The following FAM114A2 variants were observed in gnomAD, a reference collection of about 807,000 sequenced individuals.
FAM114A2 encodes the protein family with sequence similarity 114 member A2.
In FAM114A2, 53 loss-of-function variants were observed where a neutral mutation model predicts 58.4. The ratio of observed to expected loss-of-function variants is 0.91; its 90% confidence interval spans 0.73 to 1.14. FAM114A2 has a LOEUF of 1.14. Among genes scored for constraint, FAM114A2 ranks in the 50% most tolerant of loss-of-function variants. The probability of loss-of-function intolerance (pLI) is 0.00; values close to 1 mark genes in which losing one functional copy is unlikely to be tolerated. For missense variants in FAM114A2, 601 were observed against 581.1 expected (o/e 1.03, Z -0.35); for synonymous variants, 228 against 211.4 (o/e 1.08, Z -0.68).
chr5:154,007,829 T>C (rs1049808211), intron 9 of FAM114A2, among the ~76,000 whole-genome samples: 1 of 152,202 alleles, frequency 6.6e-6, no homozygotes, highest in African/African-American at 2.4e-5. Flanking sequence ...CCAGGCCCTT[T>C]GTAAGAGCTA....
At chr5:153,997,012 A>G (rs7727981) in intron 12 of FAM114A2, among the ~76,000 whole-genome samples, 1 of 143,676 alleles carries the variant, frequency 7.0e-6, no homozygotes, top group Non-Finnish European at 1.5e-5. Flanking sequence ...AAAAAAAAAG[A>G]AAGAAAGAAA....
chr5:153,991,484 AG>A lies in FAM114A2; in HGVS notation c.*1491del, dbSNP rs1201197270. 6.6e-6 allele frequency: 1 copy of A among 152,212 alleles called. No homozygotes were observed. The highest frequency in any genetic ancestry group is 2.4e-5 in the African/African-American group (1 of 41,458). The allele number at this position is 152,212 out of a possible 1,614,324, so 9.4% of individuals were successfully genotyped here. ...AACTTCAGAAATATTCAAGCTGGAA[AG>A]GGTGAAATTTGTCTTTAAAAAGGAA... is the stretch of plus-strand genomic sequence containing the variant. On this transcript the variant is annotated 3_prime_UTR_variant, in exon 14 of 14. Coordinates refer to ENST00000351797, the MANE Select transcript of FAM114A2 (RefSeq NM_018691.4).
chr5:154,028,333 T>G lies in FAM114A2; in HGVS notation c.496-50A>C, dbSNP rs759215466. On this transcript the variant is annotated intron_variant, in intron 5 of 13. Transcript: ENST00000351797. ...ACAACAATATTAAGAAAACATATTT[T>G]TATGCATTTTTATTATGTATTTATT... The G allele has an allele frequency of 7.2e-6, 9 of 1,252,916 alleles. No homozygotes were observed. In the East Asian group the frequency reaches 1.2e-4, roughly 17 times the overall value. The allele number at this position is 1,252,916 out of a possible 1,614,324, so 77.6% of individuals were successfully genotyped here. A position where few individuals can be genotyped will look rare whatever the true frequency, so the allele number is the denominator to read the frequency against.
intron 5 of FAM114A2, among the ~76,000 whole-genome samples, 155 bp downstream of exon 5, chr5:154,029,334 C>T (rs1772021237): frequency 6.6e-6 from 1 of 152,200 alleles, no homozygotes; most frequent in African/African-American, 2.4e-5. Context: ...GTAGCATTCA[C>T]TCCACCCATA....
Position 154,033,897 on chromosome 5 carries a change from T to C in FAM114A2, c.311-14A>G. ...AAATGCCTTGTCCTAATGAGAAAAA[T>C]AACTTTTTTTTTTGCTATTTGTCAC... is the stretch of plus-strand genomic sequence containing the variant. On this transcript the variant is annotated splice_polypyrimidine_tract_variant and intron_variant, in intron 3 of 13. Transcript: ENST00000351797. 2 of 1,556,546 alleles carry C rather than the reference T, an allele frequency of 1.3e-6. No homozygotes were observed. Among genetic ancestry groups the C allele is most frequent in the Non-Finnish European group, 1.8e-6 (2 of 1,139,200 alleles).
At chr5:154,007,571 T>G (rs1227537731) in intron 9 of FAM114A2, among the ~76,000 whole-genome samples, 1 of 152,180 alleles carries the variant, frequency 6.6e-6, no homozygotes, top group Non-Finnish European at 1.5e-5. Flanking sequence ...AAGATTGCTT[T>G]CAGAGAATGG....
At position 154,034,986 on chromosome 5, in the gene FAM114A2, A is replaced by C. The variant is rs536684884; in HGVS notation, c.-14-19T>G. The stretch of plus-strand genomic sequence containing the variant: ...ACATCAGCTGGTAAAATGAAAGCCC[A>C]AAAAAAATTTATATAGGCTTCTTTG... On this transcript the variant is annotated intron_variant, in intron 1 of 13. Transcript: ENST00000351797. 243 of 1,380,848 alleles carry C rather than the reference A, an allele frequency of 1.8e-4. 1 individual carries two copies. The African/African-American group carries it at 4.7e-3, about 27-fold the overall frequency. 85.5% of individuals were successfully genotyped at this position (1,380,848 alleles called of 1,614,324 possible).
At chr5:154,034,229 T>C (rs1561579022) in intron 3 of FAM114A2, 49 bp downstream of exon 3, 1 of 1,138,566 alleles carries the variant, frequency 8.8e-7, no homozygotes, top group South Asian at 1.4e-5. Flanking sequence ...TGCAGATCTG[T>C]ATAAAATAAA....
At chr5:153,993,133 A>C (rs759979323) in intron 13 of FAM114A2, 23 bp from the exon 14 acceptor site, 1 of 1,594,930 alleles carries the variant, frequency 6.3e-7, no homozygotes. Flanking sequence ...AAAAAACAAG[A>C]AAAAGAAAAT....
At chr5:153,998,288 C>G (rs1369220050) in intron 11 of FAM114A2, among the ~76,000 whole-genome samples, 1 of 152,182 alleles carries the variant, frequency 6.6e-6, no homozygotes, top group Non-Finnish European at 1.5e-5. Context: ...TGTGTTATCA[C>G]AGTGCTTATG....
intron 8 of FAM114A2, among the ~76,000 whole-genome samples, chr5:154,020,416 GAAGA>G (rs1771331986): frequency 6.6e-6 from 1 of 151,200 alleles, no homozygotes; most frequent in South Asian, 2.1e-4. Context: ...GACTAACAAA[GAAGA>G]GAGAAGAATC....
At chr5:154,038,061 C>A (rs1186235907) in intron 1 of FAM114A2, among the ~76,000 whole-genome samples, 2 of 151,562 alleles carry the variant, frequency 1.3e-5, no homozygotes, top group Non-Finnish European at 2.9e-5. Flanking sequence ...GAATAAACAC[C>A]AAGTACGTGG....
chr5:154,038,263 GT>G (rs1051022955), intron 1 of FAM114A2: 57 of 152,130 alleles, frequency 3.7e-4, no homozygotes, highest in African/African-American at 1.3e-3. Context: ...TATATATTAC[GT>G]ATATATACAC....
In FAM114A2 at chr5:153,990,797, T is replaced by G. The variant is rs1769221245; in HGVS notation, c.*2179A>C. On this transcript the variant is annotated 3_prime_UTR_variant, in exon 14 of 14. Transcript: ENST00000351797. ...AGACACCAAAAATTTAAAAGGAAAA[T>G]AGTACCAAAAGTGTAGCTGTTAACA... 1 of 152,088 alleles carries G rather than the reference T, an allele frequency of 6.6e-6. No homozygotes were observed. 9.4% of individuals were successfully genotyped at this position (152,088 alleles called of 1,614,324 possible).
At chr5:153,996,422 G>C (rs1021698633) in intron 12 of FAM114A2, among the ~76,000 whole-genome samples, 2 of 152,048 alleles carry the variant, frequency 1.3e-5, no homozygotes, top group Admixed American at 6.6e-5. Flanking sequence ...AGACATAAAT[G>C]TAAGGGCTAC....
At chr5:154,034,639 A>AAG in intron 2 of FAM114A2, 105 bp downstream of exon 2, 1 of 823,400 alleles carries the variant, frequency 1.2e-6, no homozygotes, top group Non-Finnish European at 2.0e-6. Flanking sequence ...AGAAAGAAAT[A>AAG]AGAGCAATTC....
At chr5:154,012,217 C>T (rs923306964) in intron 8 of FAM114A2, among the ~76,000 whole-genome samples, 3 of 152,004 alleles carry the variant, frequency 2.0e-5, no homozygotes, top group Admixed American at 2.0e-4. Flanking sequence ...GATTCCAGAA[C>T]GTTGGAAGGA....
chr5:154,022,928 C>G (rs1318300378), intron 8 of FAM114A2, among the ~76,000 whole-genome samples: 1 of 152,178 alleles, frequency 6.6e-6, no homozygotes, highest in Non-Finnish European at 1.5e-5. Flanking sequence ...AAATGTGGCA[C>G]ATATACACCA....
In FAM114A2 at chr5:154,029,472, T is replaced by G. The variant is rs1263885974; in HGVS notation, c.495+17A>C. 2 of 1,391,292 alleles carry G rather than the reference T, an allele frequency of 1.4e-6. No individual in the cohort carries two copies. Among genetic ancestry groups the G allele is most frequent in the Non-Finnish European group, 2.0e-6 (2 of 978,286 alleles). The allele number at this position is 1,391,292 out of a possible 1,614,324, so 86.2% of individuals were successfully genotyped here. ...AATAATGGAAAGGAACAGACCACCT[T>G]GCACTTTTTTACTTACTGTGCTCTG... On this transcript the variant is annotated intron_variant, in intron 5 of 13. Coordinates refer to ENST00000351797, the MANE Select transcript of FAM114A2 (RefSeq NM_018691.4).
Sources: allele counts gnomAD v4.1 joint callset (sites outside exome capture counted in the v4.1 genomes callset), GRCh38; gene constraint gnomAD v4.1.1; transcripts MANE v1.5; gene names NCBI Gene and HGNC (gene_info 2026-07-23, HGNC 2026-07-21).